EML6: variants seen among roughly 807,000 people sequenced by gnomAD.
EML6 encodes the protein echinoderm microtubule-associated protein-like 6.
A neutral mutation model predicts 240.1 loss-of-function variants in EML6; 154 were observed. The ratio of observed to expected loss-of-function variants is 0.64; its 90% confidence interval spans 0.56 to 0.73. The LOEUF (loss-of-function observed/expected upper bound fraction) is 0.73. Among genes scored for constraint, EML6 ranks in the 30% least tolerant of loss-of-function variants. The pLI is 0.00. For missense variants in EML6, 2,964 were observed against 2,474.6 expected (o/e 1.20, Z -4.20); for synonymous variants, 1,148 against 899.0 (o/e 1.28, Z -4.95).
At chr2:54,945,936 G>T (rs1000064081) in intron 28 of EML6, among the ~76,000 whole-genome samples, 2 of 152,258 alleles carry the variant, frequency 1.3e-5, no homozygotes, top group South Asian at 2.1e-4. Context: ...GTTTCCACAG[G>T]GGGTACAGGG....
intron 2 of EML6, among the ~76,000 whole-genome samples, chr2:54,792,675 C>A (rs1022397739): frequency 6.6e-6 from 1 of 152,082 alleles, no homozygotes; most frequent in African/African-American, 2.4e-5. Context: ...TAATTTATAC[C>A]TCAATTTAAA....
rs112716008 is a variant in EML6, at chr2:54,857,123, C to G, written c.1658-2411C>G. 2.8e-3 allele frequency among the ~76,000 whole-genome samples: 419 copies of G among 152,232 alleles called. 2 individuals carry two copies. The highest frequency in any genetic ancestry group is 9.7e-3 in the African/African-American group (401 of 41,538). Reference sequence around the variant, plus strand: ...AAAATGAGAAAAAAGATATTTGTCTCTGGGAGTGCACATAAGGGGAAGAGG... The same window carrying G: ...AAAATGAGAAAAAAGATATTTGTCTGTGGGAGTGCACATAAGGGGAAGAGG... On this transcript the variant is annotated intron_variant, in intron 11 of 41. Transcript: ENST00000356458.
chr2:54,911,703 C>T (rs187192420), intron 25 of EML6, among the ~76,000 whole-genome samples: 1 of 152,178 alleles, frequency 6.6e-6, no homozygotes, highest in Non-Finnish European at 1.5e-5. Flanking sequence ...TCCCAAAGTG[C>T]TGGGATTACA....
At chr2:54,927,807 A>G (rs1415642548) in intron 26 of EML6, among the ~76,000 whole-genome samples, 1 of 152,248 alleles carries the variant, frequency 6.6e-6, no homozygotes, top group Non-Finnish European at 1.5e-5. Context: ...AATTCTTTCT[A>G]GCGTCTGTGG....
intron 14 of EML6, chr2:54,868,557 C>A (rs901344433): frequency 6.6e-6 from 1 of 152,274 alleles, no homozygotes. Flanking sequence ...TCTTCAGACT[C>A]CTGTGATAGG....
Position 54,928,610 on chromosome 2 carries a change from T to C in EML6, c.3878-15T>C, listed in dbSNP as rs765795392. ...GCAAACCAACTGGCTCCCCAATCTC[T>C]TTCTGTTGTTTGAGGCTATGACAGC... On this transcript the variant is annotated splice_polypyrimidine_tract_variant and intron_variant, in intron 27 of 41. Coordinates refer to ENST00000356458, the MANE Select transcript of EML6 (RefSeq NM_001039753.4). 1.6e-5 allele frequency: 25 copies of C among 1,552,024 alleles called. No homozygotes were observed. Among genetic ancestry groups the C allele is most frequent in the Non-Finnish European group, 4.4e-6 (5 of 1,147,098 alleles).
rs536626234 is a variant in EML6, at chr2:54,910,938, C to G, written c.3410-16C>G. The stretch of plus-strand genomic sequence containing the variant: ...TCAGATTTTAATTATCTCTCTACTT[C>G]GTTCTGTCGTAACAGGAAAATTATT... On this transcript the variant is annotated splice_polypyrimidine_tract_variant and intron_variant, in intron 24 of 41. Transcript: ENST00000356458. 1.8e-5 allele frequency: 25 copies of G among 1,402,496 alleles called. No individual in the cohort carries two copies. Among genetic ancestry groups the G allele is most frequent in the Non-Finnish European group, 2.5e-5 (25 of 1,017,184 alleles). The allele number at this position is 1,402,496 out of a possible 1,614,324, so 86.9% of individuals were successfully genotyped here.
chr2:54,833,239 G>T (rs1668967861), intron 7 of EML6, among the ~76,000 whole-genome samples: 1 of 152,188 alleles, frequency 6.6e-6, no homozygotes, highest in South Asian at 2.1e-4. Flanking sequence ...CACCTGTAAA[G>T]ACTTCTGTTG....
chr2:54,910,008 T>C (rs188860742), intron 24 of EML6, among the ~76,000 whole-genome samples: 155 of 152,148 alleles, frequency 1.0e-3, no homozygotes, highest in African/African-American at 3.5e-3. Context: ...TACATAGTTA[T>C]GGGAAAAAAC....
intron 2 of EML6, among the ~76,000 whole-genome samples, chr2:54,777,287 G>C (rs1181024802): frequency 6.6e-6 from 1 of 152,186 alleles, no homozygotes; most frequent in Non-Finnish European, 1.5e-5. Context: ...AGTTGTGATG[G>C]TGGAGTGATG....
At chr2:54,950,621 G>T (rs114432691) in intron 29 of EML6, 29 bp from the exon 30 acceptor site, 2 of 1,550,330 alleles carry the variant, frequency 1.3e-6, no homozygotes, top group African/African-American at 2.7e-5. Context: ...TCCTCTGAGG[G>T]TCACATTGAT....
intron 2 of EML6, among the ~76,000 whole-genome samples, chr2:54,787,228 A>G (rs978621680): frequency 6.6e-6 from 1 of 152,036 alleles, no homozygotes; most frequent in Non-Finnish European, 1.5e-5. Context: ...TCCCATCAAT[A>G]TCGTTTCATA....
At position 54,853,868 on chromosome 2, in the gene EML6, G is replaced by A. The variant is rs1490913208; in HGVS notation, c.1657+13G>A. On this transcript the variant is annotated intron_variant, in intron 11 of 41. Coordinates refer to ENST00000356458, the MANE Select transcript of EML6 (RefSeq NM_001039753.4). ...TGTCTCAAGAGAGGTAAGGCCAAAA[G>A]AGATGTTTCATTGCATAAAGATTTA... 1.3e-6 allele frequency: 2 copies of A among 1,525,360 alleles called. No individual in the cohort carries two copies. The highest frequency in any genetic ancestry group is 2.0e-5 in the Admixed American group (1 of 50,722). The allele number at this position is 1,525,360 out of a possible 1,614,324, so 94.5% of individuals were successfully genotyped here. A position where few individuals can be genotyped will look rare whatever the true frequency, so the allele number is the denominator to read the frequency against.
At chr2:54,885,880 A>G (rs145113818) in intron 17 of EML6, among the ~76,000 whole-genome samples, 3,425 of 152,128 alleles carry the variant, frequency 0.023, 118 homozygotes, top group African/African-American at 0.074. Context: ...CAAAGTGCTG[A>G]GATTACAGGC....
intron 8 of EML6, among the ~76,000 whole-genome samples, chr2:54,844,620 C>G (rs561215441): frequency 2.8e-4 from 43 of 152,318 alleles, no homozygotes; most frequent in African/African-American, 9.9e-4. Context: ...TTGTTAAAGG[C>G]TCTCTCATTC....
chr2:54,948,323 C>T (rs999304284), intron 28 of EML6, among the ~76,000 whole-genome samples: 1 of 152,060 alleles, frequency 6.6e-6, no homozygotes, highest in African/African-American at 2.4e-5. Context: ...TGCTGTCTGT[C>T]TCCTGTCCCT....
At chr2:54,789,374 C>G (rs1275403732) in intron 2 of EML6, among the ~76,000 whole-genome samples, 1 of 151,052 alleles carries the variant, frequency 6.6e-6, no homozygotes, top group Non-Finnish European at 1.5e-5. Context: ...ATTAGCCGGG[C>G]GTGATGGCGG....
At chr2:54,916,099 T>A (rs1395900953) in intron 25 of EML6, among the ~76,000 whole-genome samples, 2 of 152,228 alleles carry the variant, frequency 1.3e-5, no homozygotes, top group African/African-American at 4.8e-5. Flanking sequence ...CTCTTCAGAT[T>A]TTTAAAGTAG....
intron 24 of EML6, among the ~76,000 whole-genome samples, chr2:54,906,520 G>A (rs557978524): frequency 1.3e-3 from 200 of 152,258 alleles, no homozygotes; most frequent in Non-Finnish European, 2.0e-3. Flanking sequence ...GGATGCTGAG[G>A]GAGGCTCCTG....
Sources: gnomAD v4.1 joint callset for allele counts (sites outside exome capture counted in the v4.1 genomes callset) on GRCh38, gnomAD v4.1.1 for gene constraint, MANE v1.5 for transcripts, NCBI Gene and HGNC (gene_info 2026-07-23, HGNC 2026-07-21) for gene names.